Variants in DLG1 observed in about 807,000 individuals in gnomAD.
DLG1 encodes discs large MAGUK scaffold protein 1.
Under a neutral mutation model 123.4 loss-of-function variants are expected in DLG1, and 42 were observed. That is an observed-to-expected ratio of 0.34 (90% CI 0.27 to 0.44). DLG1 has a LOEUF of 0.44. Ranked by LOEUF, DLG1 falls within the 20% of genes least tolerant of loss-of-function variation. The probability of loss-of-function intolerance (pLI) is 1.00; values close to 1 mark genes in which losing one functional copy is unlikely to be tolerated. For missense variants in DLG1, 942 were observed against 1,082.6 expected, an observed-to-expected ratio of 0.87 and a Z score of 1.82; for synonymous variants, 317 against 356.2, an observed-to-expected ratio of 0.89 and a Z score of 1.24.
At position 197,294,105 on chromosome 3, in the gene DLG1, A is replaced by G. The variant is rs141091920; in HGVS notation, c.151+2241T>C. Among the ~76,000 whole-genome samples the G allele has an allele frequency of 2.4e-4, 36 of 152,232 alleles. No homozygotes were observed. In the East Asian group the frequency reaches 6.4e-3, roughly 27 times the overall value. On this transcript the variant is annotated intron_variant, in intron 3 of 24. Coordinates refer to ENST00000667157, the MANE Select transcript of DLG1 (RefSeq NM_001366207.1). ...CTAAACATTTTCAGACTAAGTATTA[A>G]AAGTTATTCAGGAAACACAAGAGAA... is the stretch of plus-strand genomic sequence containing the variant.
intron 18 of DLG1, among the ~76,000 whole-genome samples, chr3:197,072,744 G>C (rs964765774): frequency 2.0e-5 from 3 of 151,066 alleles, no homozygotes; most frequent in Non-Finnish European, 4.4e-5. Flanking sequence ...CCAGGCTGGA[G>C]AGCAGTGGCG....
chr3:197,270,917 A>G (rs1763653989), intron 4 of DLG1, among the ~76,000 whole-genome samples: 3 of 152,370 alleles, frequency 2.0e-5, no homozygotes, highest in South Asian at 2.1e-4. Context: ...GTTAAATAAC[A>G]TAAGGAAACA....
chr3:197,247,947 G>A (rs1386723824), intron 4 of DLG1, among the ~76,000 whole-genome samples: 1 of 152,046 alleles, frequency 6.6e-6, no homozygotes, highest in Non-Finnish European at 1.5e-5. Flanking sequence ...CTTCCCCAGA[G>A]GGACTTTAGG....
chr3:197,145,039 G>GCT (rs35261692), intron 6 of DLG1, among the ~76,000 whole-genome samples: 44,807 of 145,736 alleles, frequency 0.31, 6,922 homozygotes, highest in East Asian at 0.61. Flanking sequence ...TCGCTTGCTT[G>GCT]CTCTCTCTCT....
rs184147608 is a variant in DLG1 at position 197,114,701 on chromosome 3, G to A, written c.1443+1226C>T. 1.9e-3 allele frequency among the ~76,000 whole-genome samples: 287 copies of A among 152,020 alleles called. 1 individual carries two copies. Among genetic ancestry groups the A allele is most frequent in the Non-Finnish European group, 4.9e-4 (33 of 67,968 alleles). ...AAGCTTTTAAAAAAGGGAAATTTTCGGCCAGGTGCAGTGGCTCACGCCTGT... is the reference window on the plus strand; with the variant it reads ...AAGCTTTTAAAAAAGGGAAATTTTCAGCCAGGTGCAGTGGCTCACGCCTGT... On this transcript the variant is annotated intron_variant, in intron 13 of 24. Transcript: ENST00000667157.
chr3:197,236,248 G>A (rs1346302454), intron 4 of DLG1, among the ~76,000 whole-genome samples: 2 of 152,192 alleles, frequency 1.3e-5, no homozygotes, highest in East Asian at 1.9e-4. Flanking sequence ...GGGAGGAAAA[G>A]GTTCCAGTGA....
chr3:197,087,037 G>GT (rs1307124784), intron 15 of DLG1, among the ~76,000 whole-genome samples: 2 of 151,804 alleles, frequency 1.3e-5, no homozygotes, highest in Admixed American at 6.6e-5. Context: ...GTTATTAATC[G>GT]TAAGAGTGCA....
Position 197,254,913 on chromosome 3 carries a change from G to A in DLG1, c.318+27766C>T, listed in dbSNP as rs528761755. On this transcript the variant is annotated intron_variant, in intron 4 of 24. Transcript: ENST00000667157. ...AAATACAAAGAAAAAAAAATTAGCCGGGCGTGGTGGCACGTGCTTGTAATC... is the reference window on the plus strand; with the variant it reads ...AAATACAAAGAAAAAAAAATTAGCCAGGCGTGGTGGCACGTGCTTGTAATC... Among the ~76,000 whole-genome samples the A allele has an allele frequency of 4.6e-5, 7 of 152,040 alleles. No individual in the cohort carries two copies. In the South Asian group the frequency reaches 1.0e-3, roughly 23 times the overall value.
chr3:197,288,718 T>TTAAAA (rs1560171604), intron 3 of DLG1, among the ~76,000 whole-genome samples: 9 of 30,428 alleles, frequency 3.0e-4, no homozygotes, highest in South Asian at 1.1e-3. Flanking sequence ...TGAAACTGTC[T>TTAAAA]CAAAAAAAAA....
chr3:197,082,725 T>C (rs1392469827), intron 16 of DLG1, among the ~76,000 whole-genome samples: 1 of 152,202 alleles, frequency 6.6e-6, no homozygotes, highest in East Asian at 1.9e-4. Flanking sequence ...CATAATTAGT[T>C]GTGGTTTCTT....
At chr3:197,164,747 A>AG (rs1458486797) in intron 5 of DLG1, among the ~76,000 whole-genome samples, 1 of 88,898 alleles carries the variant, frequency 1.1e-5, no homozygotes, top group African/African-American at 3.0e-5. Flanking sequence ...ACTAAAAAAA[A>AG]AAAAAAAAGA....
chr3:197,167,422 C>A (rs1801995186), intron 5 of DLG1, among the ~76,000 whole-genome samples: 1 of 152,124 alleles, frequency 6.6e-6, no homozygotes, highest in Non-Finnish European at 1.5e-5. Flanking sequence ...GAGAAATCTG[C>A]AGACAATATC....
intron 5 of DLG1, among the ~76,000 whole-genome samples, chr3:197,165,115 G>A (rs7642604): frequency 0.24 from 36,783 of 152,042 alleles, 5,638 homozygotes; most frequent in East Asian, 0.72. Context: ...GGGATCATGA[G>A]TGCCTTTCTC....
At chr3:197,291,385 T>C (rs1407251585) in intron 3 of DLG1, among the ~76,000 whole-genome samples, 2 of 150,906 alleles carry the variant, frequency 1.3e-5, no homozygotes, top group East Asian at 1.9e-4. Context: ...ACTAATATAA[T>C]GCAAAAGAAA....
chr3:197,067,988 T>C (rs1740924406), intron 19 of DLG1, among the ~76,000 whole-genome samples: 1 of 152,234 alleles, frequency 6.6e-6, no homozygotes, highest in African/African-American at 2.4e-5. Flanking sequence ...TTGAAGACTT[T>C]CTCTTTAATT....
rs1341334794 is a variant in DLG1 at position 197,044,048 on chromosome 3, T to C, written c.*575A>G. On this transcript the variant is annotated 3_prime_UTR_variant, in exon 25 of 25. Coordinates refer to ENST00000667157, the MANE Select transcript of DLG1 (RefSeq NM_001366207.1). ...AAATACTAAAAGGCTTTAAGAATGT[T>C]GAGGAAAAAATGAAATCCCTTATGA... is the stretch of plus-strand genomic sequence containing the variant. 1 of 152,178 alleles carries C rather than the reference T, an allele frequency of 6.6e-6. No individual in the cohort carries two copies. The highest frequency in any genetic ancestry group is 1.5e-5 in the Non-Finnish European group (1 of 68,020). The allele number at this position is 152,178 out of a possible 1,614,324, so 9.4% of individuals were successfully genotyped here. A position where few individuals can be genotyped will look rare whatever the true frequency, so the allele number is the denominator to read the frequency against.
rs138473233 is a variant in DLG1, at chr3:197,262,739, T to C, written c.318+19940A>G. ...AGCAGATAGTGTCAGAATTGAATTA[T>C]AGGACACCCAGTAGGTGTCCACTGG... On this transcript the variant is annotated intron_variant, in intron 4 of 24. Transcript: ENST00000667157. Among the ~76,000 whole-genome samples, 1,158 of 152,298 alleles carry C rather than the reference T, an allele frequency of 7.6e-3. 6 individuals are homozygous for C. The highest frequency in any genetic ancestry group is 0.021 in the South Asian group (101 of 4,830).
intron 11 of DLG1, among the ~76,000 whole-genome samples, chr3:197,126,416 G>A (rs181762732): frequency 2.6e-5 from 4 of 151,704 alleles, no homozygotes; most frequent in Middle Eastern, 3.4e-3. Context: ...GTGGTGATCC[G>A]AGATCACGCC....
intron 4 of DLG1, among the ~76,000 whole-genome samples, chr3:197,219,460 AT>A (rs1201105689): frequency 2.6e-5 from 4 of 152,250 alleles, no homozygotes; most frequent in African/African-American, 9.6e-5. Flanking sequence ...AATGTGATAT[AT>A]CATCAAAGCC....
Sources: allele counts gnomAD v4.1 joint callset (sites outside exome capture counted in the v4.1 genomes callset), GRCh38; gene constraint gnomAD v4.1.1; transcripts MANE v1.5; gene names NCBI Gene and HGNC (gene_info 2026-07-23, HGNC 2026-07-21).